STK3: variants seen among roughly 807,000 people sequenced by gnomAD.
The protein encoded by STK3 is serine/threonine kinase 3.
A neutral mutation model predicts 58.0 loss-of-function variants in STK3; 41 were observed. That is an observed-to-expected ratio of 0.71 (90% CI 0.55 to 0.92). The LOEUF (loss-of-function observed/expected upper bound fraction) is 0.92. STK3 is among the 40% of genes least tolerant of loss of function. The pLI, the probability that STK3 is intolerant of heterozygous loss-of-function variation, is 0.00. For synonymous variants in STK3, 170 were observed against 191.0 expected (o/e 0.89, Z 0.91); for missense variants, 479 against 602.7 (o/e 0.79, Z 2.15).
intron 8 of STK3, among the ~76,000 whole-genome samples, chr8:98,573,848 T>A (rs906722655): frequency 1.4e-4 from 22 of 152,110 alleles, no homozygotes; most frequent in South Asian, 4.2e-4. Context: ...CAGTTTCACA[T>A]GAAGCCTGAG....
At chr8:98,660,829 A>G (rs1468556984) in intron 6 of STK3, among the ~76,000 whole-genome samples, 4 of 151,984 alleles carry the variant, frequency 2.6e-5, no homozygotes, top group African/African-American at 9.7e-5. Context: ...TCACTTTCCC[A>G]TCATCACTGT....
At chr8:98,885,549 C>A (rs1837954793) in intron 1 of STK3, among the ~76,000 whole-genome samples, 1 of 152,196 alleles carries the variant, frequency 6.6e-6, no homozygotes, top group African/African-American at 2.4e-5. Flanking sequence ...AAGCGATTCT[C>A]CCGCTTCAGC....
chr8:98,671,979 CT>C (rs1425640727), intron 6 of STK3, among the ~76,000 whole-genome samples: 3 of 152,286 alleles, frequency 2.0e-5, no homozygotes, highest in African/African-American at 7.2e-5. Context: ...ATTCTCTCTC[CT>C]GCCACCCTGT....
upstream of STK3, among the ~76,000 whole-genome samples, chr8:98,826,731 A>G (rs1261257631): frequency 1.3e-5 from 2 of 150,500 alleles, no homozygotes; most frequent in Non-Finnish European, 3.0e-5. Context: ...TTTGTCAGAA[A>G]TTGTCAAGAT....
downstream of STK3, among the ~76,000 whole-genome samples, chr8:98,451,952 A>C (rs1457006825): frequency 6.6e-6 from 1 of 151,892 alleles, no homozygotes; most frequent in East Asian, 1.9e-4. Flanking sequence ...ATATCTAATT[A>C]AATGCCTATG....
intron 8 of STK3, among the ~76,000 whole-genome samples, chr8:98,552,492 T>C (rs1811247734): frequency 6.6e-6 from 1 of 152,140 alleles, no homozygotes; most frequent in Admixed American, 6.6e-5. Context: ...TGACCTCCTT[T>C]GCTGTTTCTT....
chr8:98,472,081 T>C (rs1050947642), intron 10 of STK3, among the ~76,000 whole-genome samples: 1 of 152,200 alleles, frequency 6.6e-6, no homozygotes, highest in African/African-American at 2.4e-5. Flanking sequence ...TTAGTATTAT[T>C]AGTATCACCA....
intron 1 of STK3, among the ~76,000 whole-genome samples, chr8:98,901,703 G>A (rs1315577437): frequency 3.9e-5 from 6 of 152,342 alleles, no homozygotes; most frequent in Admixed American, 6.5e-5. Context: ...TGGGATGACC[G>A]AAGCCTCTGT....
At chr8:98,531,462 T>C (rs182941608) in intron 9 of STK3, among the ~76,000 whole-genome samples, 76 of 152,318 alleles carry the variant, frequency 5.0e-4, no homozygotes, top group Middle Eastern at 3.4e-3. Flanking sequence ...CAAACCATAG[T>C]GCAAACAAAT....
chr8:98,362,307 G>A, the STK3 span, among the ~76,000 whole-genome samples: 1 of 152,162 alleles, frequency 6.6e-6, no homozygotes. Flanking sequence ...TTGATGGCTT[G>A]GATGTGAGGG....
At chr8:98,515,523 G>C (rs1366963762) in intron 10 of STK3, among the ~76,000 whole-genome samples, 1 of 152,084 alleles carries the variant, frequency 6.6e-6, no homozygotes, top group Non-Finnish European at 1.5e-5. Context: ...CCAGAGTTTG[G>C]ATTCAGTGCT....
intron 10 of STK3, among the ~76,000 whole-genome samples, chr8:98,487,210 A>G (rs892118496): frequency 2.6e-5 from 4 of 152,224 alleles, no homozygotes; most frequent in African/African-American, 9.6e-5. Context: ...AATAAATTCA[A>G]TGAGAAGTAT....
chr8:98,766,824 G>A (rs1830978970), intron 3 of STK3, among the ~76,000 whole-genome samples: 1 of 152,182 alleles, frequency 6.6e-6, no homozygotes, highest in South Asian at 2.1e-4. Context: ...CCAATGGGAA[G>A]TCAGAAATGA....
chr8:98,864,154 C>T (rs986070378), intron 3 of STK3, among the ~76,000 whole-genome samples: 1 of 139,870 alleles, frequency 7.1e-6, no homozygotes, highest in African/African-American at 2.7e-5. Flanking sequence ...GCCTAGATTG[C>T]ACCACTGCAC....
At chr8:98,603,787 G>A (rs1478210404) in intron 6 of STK3, among the ~76,000 whole-genome samples, 2 of 152,022 alleles carry the variant, frequency 1.3e-5, no homozygotes, top group Admixed American at 6.6e-5. Flanking sequence ...AAGGAAGAAG[G>A]AAAGGAAGAA....
chr8:98,455,696 A>T lies in STK3; in HGVS notation c.*146T>A. The T allele has an allele frequency of 1.1e-6, 1 of 923,498 alleles. No individual in the cohort carries two copies. Among genetic ancestry groups the T allele is most frequent in the Non-Finnish European group, 1.6e-6 (1 of 625,500 alleles). The allele number at this position is 923,498 out of a possible 1,614,324, so 57.2% of individuals were successfully genotyped here. On this transcript the variant is annotated 3_prime_UTR_variant, in exon 11 of 11. Transcript: ENST00000419617. ...CAACTGTCAATTCTGCCTTTTGGGA[A>T]TTTACCTGGGCATGTACCATTGTCA...
At position 98,387,655 on chromosome 8, in the gene STK3, G is replaced by A. The variant is rs1298388213; in HGVS notation, n.56+537C>T. Among the ~76,000 whole-genome samples the A allele has an allele frequency of 2.0e-5, 3 of 152,188 alleles. No homozygotes were observed. The East Asian group carries it at 5.8e-4, about 29-fold the overall frequency. On this transcript the variant is annotated intron_variant and non_coding_transcript_variant, in intron 1 of 2. Coordinates refer to the STK3 transcript ENST00000518704. ...CCCAGCTACTCAGGAGGCTGAGGCA[G>A]GAGAATCGCTTGAACCTGGGAGGCA...
chr8:98,510,353 T>C (rs938957147), intron 10 of STK3, among the ~76,000 whole-genome samples: 1 of 152,190 alleles, frequency 6.6e-6, no homozygotes, highest in African/African-American at 2.4e-5. Context: ...AATTTCCTAA[T>C]CAGTTTTGCA....
chr8:98,771,881 C>G (rs1171946412), intron 2 of STK3, among the ~76,000 whole-genome samples: 1 of 152,176 alleles, frequency 6.6e-6, no homozygotes, highest in Non-Finnish European at 1.5e-5. Flanking sequence ...AGCCACTGCA[C>G]CTGGCCCATA....
Sources: gnomAD v4.1 joint callset for allele counts (sites outside exome capture counted in the v4.1 genomes callset) on GRCh38, gnomAD v4.1.1 for gene constraint, MANE v1.5 for transcripts, NCBI Gene and HGNC (gene_info 2026-07-23, HGNC 2026-07-21) for gene names.